Variants in NBR1 observed in about 807,000 individuals in gnomAD.
The protein encoded by NBR1 is NBR1 autophagy cargo receptor.
NBR1 carries 59 observed loss-of-function variants against 115.5 expected under a neutral mutation model. That is an observed-to-expected ratio of 0.51 (90% CI 0.41 to 0.63). NBR1 has a LOEUF of 0.63. NBR1 is among the 30% of genes least tolerant of loss of function. The pLI is 0.00. For synonymous variants in NBR1, 373 were observed against 414.7 expected (o/e 0.90, Z 1.22); for missense variants, 1,043 against 1,150.5 (o/e 0.91, Z 1.35).
chr17:43,200,089 C>A (rs1407009884), intron 16 of NBR1, 78 bp from the exon 17 acceptor site: 2 of 1,177,892 alleles, frequency 1.7e-6, no homozygotes, highest in Non-Finnish European at 2.4e-6. Flanking sequence ...TTATGATCCA[C>A]AAGGCTTTAC....
chr17:43,200,371 G>T lies in NBR1; in HGVS notation c.2231G>T (p.Arg744Leu). The change falls in exon 17 of 21, where the codon CGC becomes CTC. Residue 744 changes from arginine (R) to leucine (L), a missense_variant. Transcript: ENST00000590996. ...CTGCCTGAGTGCTTTGATACCAGCC[G>T]CCCCCTGGGGGATTCTATGTACAGC... Reference protein sequence around the residue: ...IILPECFDTSRPLGDSMYSSA... With the variant: ...IILPECFDTSLPLGDSMYSSA... 1.3e-6 allele frequency: 2 copies of T among 1,569,582 alleles called. No individual in the cohort carries two copies. Among genetic ancestry groups the T allele is most frequent in the Non-Finnish European group, 1.7e-6 (2 of 1,157,306 alleles).
At chr17:43,204,277 A>T (rs1159888467) in intron 20 of NBR1, among the ~76,000 whole-genome samples, 1 of 152,108 alleles carries the variant, frequency 6.6e-6, no homozygotes, top group Admixed American at 6.6e-5. Flanking sequence ...TAGCCAAGTT[A>T]CTTAAGGGAA....
Position 43,200,447 on chromosome 17 carries a change from G to A in NBR1, c.2307G>A (p.Gly769=). 1 of 1,613,054 alleles carries A rather than the reference G, an allele frequency of 6.2e-7. No homozygotes were observed. The highest frequency in any genetic ancestry group is 1.1e-5 in the South Asian group (1 of 90,896). Residue 769 remains glycine, a synonymous_variant, in exon 17 of 21, where the codon GGG becomes GGA. Coordinates refer to ENST00000590996, the MANE Select transcript of NBR1 (RefSeq NM_005899.5). The part of the protein sequence containing the change: ...GLERGAEGKP[G]VEAGQEPAEA... ...AGCGAGGTGCTGAAGGCAAGCCTGG[G>A]GTTGAGGCTGGGCAGGAACCAGCTG...
intron 16 of NBR1, among the ~76,000 whole-genome samples, chr17:43,197,772 C>G (rs971311761): frequency 6.6e-6 from 1 of 152,126 alleles, no homozygotes; most frequent in Non-Finnish European, 1.5e-5. Flanking sequence ...GAGTTGTCTG[C>G]TTTCTCCAAG....
intron 3 of NBR1, 77 bp downstream of exon 3, chr17:43,178,075 A>G (rs757496164): frequency 1.3e-6 from 2 of 1,481,504 alleles, no homozygotes; most frequent in Non-Finnish European, 1.8e-6. Flanking sequence ...GGCTTTAATA[A>G]TTCAAAATAG....
chr17:43,200,714 A>G (rs953947919), intron 17 of NBR1, 106 bp downstream of exon 17: 2 of 937,680 alleles, frequency 2.1e-6, no homozygotes, highest in African/African-American at 3.3e-5. Context: ...GAAAGAGACT[A>G]TTTTCCATAG....
intron 16 of NBR1, 125 bp downstream of exon 16, chr17:43,197,231 T>C: frequency 9.8e-7 from 1 of 1,018,794 alleles, no homozygotes; most frequent in Non-Finnish European, 1.4e-6. Context: ...TTAGAAGTTC[T>C]GATCTTGGCG....
chr17:43,171,709 C>G (rs776692727), intron 1 of NBR1, among the ~76,000 whole-genome samples: 1 of 152,196 alleles, frequency 6.6e-6, no homozygotes, highest in African/African-American at 2.4e-5. Flanking sequence ...TCATCCCATC[C>G]TCGTTTTTTC....
In NBR1 at chr17:43,211,422, A is replaced by C. The variant is rs1370331566; in HGVS notation, c.*1348A>C. 6.6e-6 allele frequency: 1 copy of C among 152,670 alleles called. No individual in the cohort carries two copies. Among genetic ancestry groups the C allele is most frequent in the African/African-American group, 2.4e-5 (1 of 41,460 alleles). The allele number at this position is 152,670 out of a possible 1,614,324, so 9.5% of individuals were successfully genotyped here. A position where few individuals can be genotyped will look rare whatever the true frequency, so the allele number is the denominator to read the frequency against. ...TCATTAGCCATAATGATGTTTATTT[A>C]CAGTATAACTCCTGAATGCTACTTA... On this transcript the variant is annotated 3_prime_UTR_variant, in exon 21 of 21. Transcript: ENST00000590996.
rs34372250 is a variant in NBR1, at chr17:43,196,947, A to G, written c.1867A>G (p.Met623Val). ...GAGFKALPDS[M>V]VSVKRKAENI... Reference sequence around the variant, plus strand: ...AAGGTTCGTGTGTCTTTCAGATTCTATGGTGTCAGTAAAGAGGAAGGCTGA... The same window carrying G: ...AAGGTTCGTGTGTCTTTCAGATTCTGTGGTGTCAGTAAAGAGGAAGGCTGA... The change falls in exon 16 of 21, where the codon ATG becomes GTG. Residue 623 changes from methionine (M) to valine (V), a missense_variant. By Grantham distance (21) the Met-to-Val change is conservative. Coordinates refer to ENST00000590996, the MANE Select transcript of NBR1 (RefSeq NM_005899.5). 1.5e-3 allele frequency: 2,498 copies of G among 1,613,952 alleles called. 28 individuals are homozygous for G. The African/African-American group carries it at 0.029, about 19-fold the overall frequency.
At chr17:43,176,999 A>G (rs1174736770) in intron 2 of NBR1, among the ~76,000 whole-genome samples, 1 of 152,174 alleles carries the variant, frequency 6.6e-6, no homozygotes, top group East Asian at 1.9e-4. Context: ...GGCCAGGCAC[A>G]GTGGCACACG....
At chr17:43,198,804 A>G (rs2057126314) in intron 16 of NBR1, among the ~76,000 whole-genome samples, 1 of 152,148 alleles carries the variant, frequency 6.6e-6, no homozygotes, top group East Asian at 1.9e-4. Flanking sequence ...TACTAAAAAT[A>G]CAAAAAATAA....
At chr17:43,196,731 C>T in intron 15 of NBR1, 140 bp downstream of exon 15, 2 of 850,192 alleles carry the variant, frequency 2.4e-6, no homozygotes, top group South Asian at 1.6e-5. Context: ...GAAGTCTCCT[C>T]ACCTTCACAT....
chr17:43,188,998 T>C, intron 6 of NBR1, 44 bp from the exon 7 acceptor site: 1 of 1,305,966 alleles, frequency 7.7e-7, no homozygotes, highest in Non-Finnish European at 1.1e-6. Flanking sequence ...GTATTTTAAA[T>C]AGAAAAAGTA....
At chr17:43,173,278 C>T (rs576147045) in intron 1 of NBR1, among the ~76,000 whole-genome samples, 4 of 152,144 alleles carry the variant, frequency 2.6e-5, no homozygotes, top group East Asian at 1.9e-4. Flanking sequence ...CCACCACACC[C>T]GTCCAGTTTT....
At chr17:43,185,347 G>A (rs1275721402) in intron 5 of NBR1, among the ~76,000 whole-genome samples, 1 of 152,148 alleles carries the variant, frequency 6.6e-6, no homozygotes, top group African/African-American at 2.4e-5. Context: ...GCCAAGGTGG[G>A]CGGAGCCCGG....
chr17:43,183,075 T>C (rs935927059), intron 5 of NBR1, among the ~76,000 whole-genome samples: 3 of 150,638 alleles, frequency 2.0e-5, no homozygotes, highest in African/African-American at 4.9e-5. Context: ...CTTTTTTTTT[T>C]TGAGACAGGG....
chr17:43,207,387 T>C (rs1199384868), intron 20 of NBR1, among the ~76,000 whole-genome samples: 3 of 152,184 alleles, frequency 2.0e-5, no homozygotes, highest in Non-Finnish European at 4.4e-5. Context: ...ATACAGGGTC[T>C]TGCTCTGTCA....
In NBR1 at chr17:43,171,272, C is replaced by T. The variant is rs975625235; in HGVS notation, c.-40C>T. ...TAGCGGACGGTCCTTGCATTGGCCTCCGGCAGGCGCCCCCCGGGGGCGGGA... is the reference window on the plus strand; with the variant it reads ...TAGCGGACGGTCCTTGCATTGGCCTTCGGCAGGCGCCCCCCGGGGGCGGGA... On this transcript the variant is annotated 5_prime_UTR_variant, in exon 1 of 21. Coordinates refer to ENST00000590996, the MANE Select transcript of NBR1 (RefSeq NM_005899.5). 1.9e-4 allele frequency: 29 copies of T among 152,644 alleles called. No individual in the cohort carries two copies. The highest frequency in any genetic ancestry group is 6.8e-4 in the African/African-American group (28 of 41,426). The allele number at this position is 152,644 out of a possible 1,614,324, so 9.5% of individuals were successfully genotyped here. A position where few individuals can be genotyped will look rare whatever the true frequency, so the allele number is the denominator to read the frequency against.
Sources: allele counts gnomAD v4.1 joint callset (sites outside exome capture counted in the v4.1 genomes callset), GRCh38; gene constraint gnomAD v4.1.1; transcripts MANE v1.5; gene names NCBI Gene and HGNC (gene_info 2026-07-23, HGNC 2026-07-21).